LRRC3B: variants seen among roughly 807,000 people sequenced by gnomAD.
The protein encoded by LRRC3B is leucine-rich repeat-containing protein 3B.
LRRC3B carries 2 observed loss-of-function variants against 12.8 expected under a neutral mutation model. That is an observed-to-expected ratio of 0.16 (90% CI 0.06 to 0.49). The LOEUF is 0.49. LRRC3B is among the 20% of genes least tolerant of loss of function. The pLI is 0.96. For missense variants in LRRC3B, 189 were observed against 319.4 expected, an observed-to-expected ratio of 0.59 and a Z score of 3.11; for synonymous variants, 132 against 122.0, an observed-to-expected ratio of 1.08 and a Z score of -0.54.
intron 1 of LRRC3B, among the ~76,000 whole-genome samples, chr3:26,689,762 C>T (rs1002167080): frequency 4.6e-5 from 7 of 152,198 alleles, no homozygotes; most frequent in African/African-American, 1.7e-4. Flanking sequence ...ATTGAGCAAA[C>T]ATATTCTGAG....
intron 1 of LRRC3B, among the ~76,000 whole-genome samples, chr3:26,696,426 A>C (rs1700319174): frequency 6.6e-6 from 1 of 152,226 alleles, no homozygotes; most frequent in African/African-American, 2.4e-5. Context: ...TGATCTGTGC[A>C]TGGAGGTTTG....
chr3:26,704,974 TA>T (rs1156952690), intron 1 of LRRC3B, among the ~76,000 whole-genome samples: 18 of 152,214 alleles, frequency 1.2e-4, no homozygotes, highest in Admixed American at 9.2e-4. Context: ...GCATAGACTA[TA>T]ATTGGAAGAA....
chr3:26,654,001 TG>T (rs1699319787), intron 1 of LRRC3B, among the ~76,000 whole-genome samples: 1 of 152,182 alleles, frequency 6.6e-6, no homozygotes, highest in African/African-American at 2.4e-5. Context: ...AAATAGCCTG[TG>T]TGATACATTT....
intron 1 of LRRC3B, among the ~76,000 whole-genome samples, chr3:26,702,991 G>A (rs1363349455): frequency 1.3e-5 from 2 of 152,076 alleles, no homozygotes; most frequent in African/African-American, 2.4e-5. Flanking sequence ...GGTTGAGAAT[G>A]GAAATGGAGA....
At chr3:26,643,255 AGTGTGT>A (rs76915536) in intron 1 of LRRC3B, among the ~76,000 whole-genome samples, 2 of 136,842 alleles carry the variant, frequency 1.5e-5, no homozygotes, top group Non-Finnish European at 3.3e-5. Context: ...CATATGTGTG[AGTGTGT>A]GTGTGTGTGT....
chr3:26,670,769 C>T (rs888486551), intron 1 of LRRC3B, among the ~76,000 whole-genome samples: 1 of 152,122 alleles, frequency 6.6e-6, no homozygotes, highest in Non-Finnish European at 1.5e-5. Context: ...ATTATAGCTA[C>T]TACTTCAATA....
intron 1 of LRRC3B, among the ~76,000 whole-genome samples, chr3:26,676,019 T>C (rs1699852042): frequency 6.6e-6 from 1 of 152,002 alleles, no homozygotes; most frequent in Non-Finnish European, 1.5e-5. Flanking sequence ...ACATTAACGT[T>C]TTTGAAGAGT....
intron 1 of LRRC3B, among the ~76,000 whole-genome samples, chr3:26,649,825 C>T (rs1018934068): frequency 6.6e-6 from 1 of 152,166 alleles, no homozygotes; most frequent in Non-Finnish European, 1.5e-5. Context: ...TTGCATGGTG[C>T]TATTCTGTGC....
chr3:26,636,864 C>CCCTTCCTTCCTT (rs1202159814), intron 1 of LRRC3B, among the ~76,000 whole-genome samples: 1 of 66,948 alleles, frequency 1.5e-5, no homozygotes, highest in Admixed American at 1.5e-4. Flanking sequence ...CTCCCTCCCT[C>CCCTTCCTTCCTT]CCTTCCTTCC....
chr3:26,640,665 A>G (rs1483843574), intron 1 of LRRC3B, among the ~76,000 whole-genome samples: 1 of 152,174 alleles, frequency 6.6e-6, no homozygotes, highest in Non-Finnish European at 1.5e-5. Flanking sequence ...CCTGTTTCTG[A>G]TCTCAGAGAG....
At chr3:26,685,985 A>T (rs1487413412) in intron 1 of LRRC3B, among the ~76,000 whole-genome samples, 1 of 152,152 alleles carries the variant, frequency 6.6e-6, no homozygotes, top group Non-Finnish European at 1.5e-5. Context: ...AGGCTTAGTT[A>T]AAAAAAGTTA....
intron 1 of LRRC3B, among the ~76,000 whole-genome samples, chr3:26,670,654 T>C (rs925686860): frequency 1.3e-5 from 2 of 152,166 alleles, no homozygotes; most frequent in Non-Finnish European, 2.9e-5. Context: ...TGGAAAGAAG[T>C]AGTGAGTCCA....
intron 1 of LRRC3B, among the ~76,000 whole-genome samples, chr3:26,644,227 C>T (rs554137872): frequency 2.9e-4 from 44 of 152,308 alleles, no homozygotes; most frequent in Middle Eastern, 3.4e-3. Context: ...AGGTAGTATT[C>T]GAGTGACTAA....
At chr3:26,710,536 G>A (rs1256791836) in exon 2 of LRRC3B, 2 of 1,339,730 alleles carry the variant, frequency 1.5e-6, no homozygotes, top group Admixed American at 2.5e-5. Flanking sequence ...CCCATCCATT[G>A]TAAACATTTG....
At chr3:26,690,922 A>C (rs1437303626) in intron 1 of LRRC3B, among the ~76,000 whole-genome samples, 1 of 151,672 alleles carries the variant, frequency 6.6e-6, no homozygotes, top group Non-Finnish European at 1.5e-5. Context: ...TATTTAGGCA[A>C]CATTTTGTAT....
chr3:26,644,519 A>G (rs754245422), intron 1 of LRRC3B, among the ~76,000 whole-genome samples: 5 of 152,168 alleles, frequency 3.3e-5, no homozygotes, highest in Non-Finnish European at 7.3e-5. Context: ...AAAGCAACTG[A>G]CCCTGGAATC....
intron 1 of LRRC3B, among the ~76,000 whole-genome samples, chr3:26,667,072 C>G (rs1218078229): frequency 8.0e-6 from 1 of 125,072 alleles, no homozygotes; most frequent in African/African-American, 3.9e-5. Flanking sequence ...TAAAATGTCC[C>G]TCTGTGATTT....
chr3:26,703,888 G>C (rs1374461413), intron 1 of LRRC3B, among the ~76,000 whole-genome samples: 1 of 151,390 alleles, frequency 6.6e-6, no homozygotes, highest in Non-Finnish European at 1.5e-5. Flanking sequence ...TGCTTTCTGA[G>C]GCATTAAATT....
At chr3:26,697,168 G>A (rs1443532677) in intron 1 of LRRC3B, among the ~76,000 whole-genome samples, 1 of 152,064 alleles carries the variant, frequency 6.6e-6, no homozygotes, top group Non-Finnish European at 1.5e-5. Context: ...CACAATCTTG[G>A]TGGCTAAAAA....
Sources: allele counts gnomAD v4.1 joint callset (sites outside exome capture counted in the v4.1 genomes callset), GRCh38; gene constraint gnomAD v4.1.1; transcripts MANE v1.5; gene names NCBI Gene and HGNC (gene_info 2026-07-23, HGNC 2026-07-21).